ARHGEF17: variants seen among roughly 807,000 people sequenced by gnomAD.
ARHGEF17 encodes Rho guanine nucleotide exchange factor 17.
ARHGEF17 carries 80 observed loss-of-function variants against 174.0 expected under a neutral mutation model. The ratio of observed to expected loss-of-function variants is 0.46; its 90% confidence interval spans 0.38 to 0.55. The LOEUF (loss-of-function observed/expected upper bound fraction) is 0.55. Ranked by LOEUF, ARHGEF17 falls within the 20% of genes least tolerant of loss-of-function variation. The probability of loss-of-function intolerance (pLI) is 0.00; values close to 1 mark genes in which losing one functional copy is unlikely to be tolerated. For synonymous variants in ARHGEF17, 1,311 were observed against 1,189.1 expected (o/e 1.10, Z -2.11); for missense variants, 2,886 against 2,839.7 (o/e 1.02, Z -0.37).
At chr11:73,335,577 C>T (rs899046784) in intron 1 of ARHGEF17, among the ~76,000 whole-genome samples, 6 of 152,082 alleles carry the variant, frequency 3.9e-5, no homozygotes, top group Non-Finnish European at 7.4e-5. Flanking sequence ...AAAAAAAAAC[C>T]CACCAGTTAA....
Position 73,311,424 on chromosome 11 carries a change from G to A in ARHGEF17, c.2786G>A (p.Ser929Asn). The change falls in exon 1 of 21, where the codon AGT (serine) becomes AAT (asparagine). Residue 929 changes from serine (S) to asparagine (N), a missense_variant. Around this residue, in one of 4 missense-constraint regions of ARHGEF17, gnomAD observed 1,728 missense variants for 1,461.2 expected, o/e 1.18. Transcript: ENST00000263674. ...GGCTCCAAGAAGCGCCCAGCTCGGA[G>A]TAGTCACCAGGAGCTTCGGAGAGAC... The part of the protein sequence containing the change: ...RRGSKKRPAR[S>N]SHQELRRDEG... 3 of 1,613,356 alleles carry A rather than the reference G, an allele frequency of 1.9e-6. No individual in the cohort carries two copies. Among genetic ancestry groups the A allele is most frequent in the South Asian group, 1.1e-5 (1 of 91,088 alleles).
In ARHGEF17 at chr11:73,311,506, C is replaced by T. The variant is rs767186071; in HGVS notation, c.2868C>T (p.His956=). The T allele has an allele frequency of 3.6e-5, 58 of 1,613,054 alleles. No homozygotes were observed. The highest frequency in any genetic ancestry group is 4.4e-5 in the Non-Finnish European group (52 of 1,180,042). ...CTCGGGCCCGGCCCTCCTCCAGACA[C>T]GTTCGCCATGCCAGTGTGCCCGCCA... The part of the protein sequence containing the change: ...SLSRARPSSR[H]VRHASVPATF... The change falls in exon 1 of 21, where the codon CAC becomes CAT. Residue 956 remains histidine, a synonymous_variant. Transcript: ENST00000263674.
chr11:73,360,549 T>C lies in ARHGEF17; in HGVS notation c.4420+16T>C. 1 of 1,613,252 alleles carries C rather than the reference T, an allele frequency of 6.2e-7. No homozygotes were observed. The highest frequency in any genetic ancestry group is 8.5e-7 in the Non-Finnish European group (1 of 1,179,752). ...AGGAAGCTGGGTAAGCCAAGGCACA[T>C]GTTGGCCCTCTCCTCCTAGAGCTTC... On this transcript the variant is annotated intron_variant, in intron 11 of 20. Transcript: ENST00000263674.
chr11:73,336,096 G>C (rs1053178742), intron 1 of ARHGEF17, among the ~76,000 whole-genome samples: 2 of 152,182 alleles, frequency 1.3e-5, no homozygotes, highest in Non-Finnish European at 2.9e-5. Flanking sequence ...GGCTTGGCTT[G>C]ACTTCTTGTT....
chr11:73,320,214 GT>G (rs1864993762), intron 1 of ARHGEF17, among the ~76,000 whole-genome samples: 1 of 152,094 alleles, frequency 6.6e-6, no homozygotes, highest in Non-Finnish European at 1.5e-5. Flanking sequence ...AGGGTAAAGG[GT>G]GCTGTCCAGA....
At chr11:73,320,616 G>A (rs925825851) in intron 1 of ARHGEF17, among the ~76,000 whole-genome samples, 5 of 134,540 alleles carry the variant, frequency 3.7e-5, no homozygotes, top group Admixed American at 7.7e-5. Context: ...GTGACAGAGC[G>A]AGACTCCGTC....
rs750452333 is a variant in ARHGEF17, at chr11:73,365,462, G to A, written c.5623G>A (p.Val1875Met). 3.7e-6 allele frequency: 6 copies of A among 1,614,060 alleles called. No individual in the cohort carries two copies. Among genetic ancestry groups the A allele is most frequent in the Non-Finnish European group, 5.1e-6 (6 of 1,180,038 alleles). The part of the protein sequence containing the change: ...CMVDSSLGVW[V>M]TLKGSAHVCL... The stretch of plus-strand genomic sequence containing the variant: ...GGTGGACTCCAGCCTGGGTGTGTGG[G>A]TGACATTGAAAGGTAGTGCCCACGT... The change falls in exon 19 of 21, where the codon GTG (valine) becomes ATG (methionine). Residue 1875 changes from valine (V) to methionine (M), a missense_variant. Val to Met is a conservative substitution (Grantham distance 21, BLOSUM62 1). This residue lies in a region of ARHGEF17 where 329 missense variants were observed against 435.2 expected (regional missense o/e 0.76). Transcript: ENST00000263674. This position sits in a 1 kb window ranked among gnomAD's most constrained non-coding sequence, Gnocchi z 4.9.
At chr11:73,314,827 C>A (rs959387829) in intron 1 of ARHGEF17, among the ~76,000 whole-genome samples, 1 of 152,120 alleles carries the variant, frequency 6.6e-6, no homozygotes, top group Admixed American at 6.5e-5. Flanking sequence ...GAGCTTCCCC[C>A]GCCCCAGCCT....
chr11:73,366,291 A>C (rs910305552), intron 20 of ARHGEF17, among the ~76,000 whole-genome samples: 3 of 152,246 alleles, frequency 2.0e-5, no homozygotes, highest in Admixed American at 1.3e-4. Flanking sequence ...TCCTATATGC[A>C]CCAGGAAATA....
chr11:73,310,668 A>G lies in ARHGEF17; in HGVS notation c.2030A>G (p.Gln677Arg). Reference protein sequence around the residue: ...MWRPLSSSSAQTNHHGPGTED... With the variant: ...MWRPLSSSSARTNHHGPGTED... Reference sequence around the variant, plus strand: ...CGACCTCTTTCCTCATCCTCGGCCCAGACGAACCACCATGGCCCTGGGACT... The same window carrying G: ...CGACCTCTTTCCTCATCCTCGGCCCGGACGAACCACCATGGCCCTGGGACT... Residue 677 changes from glutamine (Q) to arginine (R), a missense_variant, in exon 1 of 21, where the codon CAG (glutamine) becomes CGG (arginine). Physicochemically the swap from Gln to Arg is conservative, Grantham distance 43. Transcript: ENST00000263674. 6 of 1,613,958 alleles carry G rather than the reference A, an allele frequency of 3.7e-6. No individual in the cohort carries two copies. The highest frequency in any genetic ancestry group is 5.1e-6 in the Non-Finnish European group (6 of 1,180,006).
rs142760454 is a variant in ARHGEF17 at position 73,354,128 on chromosome 11, A to G, written c.3453+1116A>G. Among the ~76,000 whole-genome samples, 5 of 152,348 alleles carry G rather than the reference A, an allele frequency of 3.3e-5. No individual in the cohort carries two copies. The East Asian group carries it at 9.6e-4, about 29-fold the overall frequency. On this transcript the variant is annotated intron_variant, in intron 3 of 20. Transcript: ENST00000263674. Reference sequence around the variant, plus strand: ...GTGGGGTGGGGCCTTGAACCATCTTAGAATGTCCTTGCTGACCCAGAAACT... The same window carrying G: ...GTGGGGTGGGGCCTTGAACCATCTTGGAATGTCCTTGCTGACCCAGAAACT...
chr11:73,312,743 G>C (rs891925451), intron 1 of ARHGEF17, among the ~76,000 whole-genome samples: 2 of 151,980 alleles, frequency 1.3e-5, no homozygotes, highest in Non-Finnish European at 2.9e-5. Flanking sequence ...GTCGGTTCTT[G>C]TTCCCCCATC....
intron 20 of ARHGEF17, 73 bp from the exon 21 acceptor site, chr11:73,367,511 G>A: frequency 2.2e-6 from 3 of 1,334,242 alleles, no homozygotes; most frequent in Non-Finnish European, 3.1e-6. Context: ...TGGGGTGTGG[G>A]AATTCAGGCC....
In ARHGEF17 at chr11:73,309,746, T is replaced by C. The variant is rs780433179; in HGVS notation, c.1108T>C (p.Phe370Leu). 1.2e-6 allele frequency: 2 copies of C among 1,612,594 alleles called. No individual in the cohort carries two copies. Among genetic ancestry groups the C allele is most frequent in the Non-Finnish European group, 1.7e-6 (2 of 1,179,732 alleles). The stretch of plus-strand genomic sequence containing the variant: ...TATGTCTGACTCTGTGGGAGGAGCT[T>C]TCCGTGTGGCCAAGGTGAGCTTTCC... ...RPMSDSVGGA[F>L]RVAKVSFPSY... The change falls in exon 1 of 21, where the codon TTC (phenylalanine) becomes CTC (leucine). Residue 370 changes from phenylalanine to leucine, a missense_variant. Phe to Leu is a conservative substitution (Grantham distance 22). This residue lies in a region of ARHGEF17 where 1,728 missense variants were observed against 1,461.2 expected (regional missense o/e 1.18). Transcript: ENST00000263674.
chr11:73,363,505 C>T, intron 15 of ARHGEF17, 50 bp downstream of exon 15: 1 of 1,572,784 alleles, frequency 6.4e-7, no homozygotes, highest in Non-Finnish European at 8.6e-7. Context: ...TCTGAGCTCC[C>T]TGCTCTGGAA....
intron 4 of ARHGEF17, 84 bp downstream of exon 4, chr11:73,355,733 C>A (rs1865626728): frequency 6.4e-7 from 1 of 1,555,512 alleles, no homozygotes; most frequent in East Asian, 2.2e-5. Flanking sequence ...AGCGTGGGTA[C>A]CATAGTCCCA....
rs1207193345 is a variant in ARHGEF17, at chr11:73,352,950, G to A, written c.3391G>A (p.Val1131Ile). ...LEHHEQFLEQ[V>I]RHCMQTWHAQ... is the part of the protein sequence containing the mutation. ...GCACCACGAGCAATTCCTGGAGCAG[G>A]TTCGGCACTGCATGCAGACCTGGCA... Residue 1131 changes from valine (V) to isoleucine (I), a missense_variant, in exon 3 of 21, where the codon GTT becomes ATT. Transcript: ENST00000263674. 1.2e-6 allele frequency: 2 copies of A among 1,614,006 alleles called. No homozygotes were observed. Among genetic ancestry groups the A allele is most frequent in the African/African-American group, 1.3e-5 (1 of 74,920 alleles).
chr11:73,328,406 G>A (rs558790671), intron 1 of ARHGEF17, among the ~76,000 whole-genome samples: 1 of 152,314 alleles, frequency 6.6e-6, no homozygotes, highest in Non-Finnish European at 1.5e-5. Flanking sequence ...CATACAGATG[G>A]GGGCCCAGAG....
intron 1 of ARHGEF17, among the ~76,000 whole-genome samples, chr11:73,319,191 G>A (rs369478615): frequency 7.9e-5 from 12 of 151,828 alleles, no homozygotes; most frequent in African/African-American, 2.9e-4. Context: ...AGCCTCCCAA[G>A]TAGCTGGGAC....
Sources: allele counts gnomAD v4.1 joint callset (sites outside exome capture counted in the v4.1 genomes callset), GRCh38; gene constraint gnomAD v4.1.1; regional missense constraint gnomAD v4.1.1; non-coding constraint Gnocchi (gnomAD v3.1); transcripts MANE v1.5; gene names NCBI Gene and HGNC (gene_info 2026-07-23, HGNC 2026-07-21).